PCDH20: variants seen among roughly 807,000 people sequenced by gnomAD.
PCDH20 encodes the protein protocadherin 20, also known as protocadherin-20.
Under a neutral mutation model 39.7 loss-of-function variants are expected in PCDH20, and 18 were observed. The ratio of observed to expected loss-of-function variants is 0.45; its 90% confidence interval spans 0.31 to 0.67. The LOEUF (loss-of-function observed/expected upper bound fraction) is 0.67, where lower values mean the gene tolerates loss of function less well. Among genes scored for constraint, PCDH20 ranks in the 30% least tolerant of loss-of-function variants. The probability of loss-of-function intolerance (pLI) is 0.05; values close to 1 mark genes in which losing one functional copy is unlikely to be tolerated. For missense variants in PCDH20, 1,161 were observed against 1,167.4 expected, an observed-to-expected ratio of 0.99 and a Z score of 0.08; for synonymous variants, 495 against 455.4, an observed-to-expected ratio of 1.09 and a Z score of -1.11.
exon 2 of PCDH20, chr13:61,412,876 G>C (rs1355631012): frequency 1.9e-6 from 3 of 1,613,942 alleles, no homozygotes; most frequent in African/African-American, 2.7e-5. Context: ...AGTGATTACA[G>C]CAGGGATGCA....
chr13:61,411,278 G>T, exon 2 of PCDH20: 1 of 1,613,332 alleles, frequency 6.2e-7, no homozygotes, highest in Non-Finnish European at 8.5e-7. Flanking sequence ...TTTCTCTCTC[G>T]CATATGCAAG....
exon 2 of PCDH20, chr13:61,409,939 G>T (rs989460441): frequency 6.6e-6 from 1 of 152,000 alleles, no homozygotes; most frequent in Non-Finnish European, 1.5e-5. Context: ...AAAGTAAAAT[G>T]ATCCAGTTTA....
intron 1 of PCDH20, among the ~76,000 whole-genome samples, chr13:61,414,497 A>AATG (rs1871492783): frequency 6.6e-6 from 1 of 152,084 alleles, no homozygotes; most frequent in African/African-American, 2.4e-5. Flanking sequence ...TAATAATAAT[A>AATG]ATATAGAAAA....
At chr13:61,412,223 C>T in exon 2 of PCDH20, 1 of 1,614,124 alleles carries the variant, frequency 6.2e-7, no homozygotes, top group Non-Finnish European at 8.5e-7. Flanking sequence ...ACTGTGAGGG[C>T]CACAGTGGCT....
chr13:61,413,863 C>T, exon 2 of PCDH20: 1 of 1,613,430 alleles, frequency 6.2e-7, no homozygotes. Context: ...GATGAGCACC[C>T]CCGCGGGTAG....
exon 2 of PCDH20, chr13:61,411,072 T>C: frequency 1.7e-6 from 1 of 597,804 alleles, no homozygotes. Flanking sequence ...GCTGTACACA[T>C]TTTATAACCT....
intron 1 of PCDH20, 81 bp from the exon 2 acceptor site, chr13:61,414,047 C>T: frequency 8.0e-7 from 1 of 1,253,072 alleles, no homozygotes; most frequent in Middle Eastern, 2.2e-4. Context: ...CCCCTGTGAT[C>T]CTTGCTGTCC....
Position 61,414,905 on chromosome 13 carries a change from G to A in PCDH20, c.132+122C>T, listed in dbSNP as rs894701881. 2.5e-6 allele frequency: 3 copies of A among 1,188,600 alleles called. No homozygotes were observed. In the African/African-American group the frequency reaches 4.8e-5, roughly 19 times the overall value. 73.6% of individuals were successfully genotyped at this position (1,188,600 alleles called of 1,614,324 possible). A position where few individuals can be genotyped will look rare whatever the true frequency, so the allele number is the denominator to read the frequency against. On this transcript the variant is annotated intron_variant, in intron 1 of 1. Transcript: ENST00000409204. ...TTATCCCAAACTCCCTTTCCCTCCC[G>A]GCGCCATCCTTCCCGTGAAGTTTAG...
exon 2 of PCDH20, chr13:61,413,012 C>A: frequency 6.2e-7 from 1 of 1,614,168 alleles, no homozygotes; most frequent in Non-Finnish European, 8.5e-7. Flanking sequence ...GCTTGTGGAA[C>A]TTTCTGACTG....
chr13:61,415,148 C>A (rs1211293300), exon 1 of PCDH20: 4 of 1,455,998 alleles, frequency 2.7e-6, no homozygotes, highest in Admixed American at 4.9e-5. Flanking sequence ...CGCATTCCCT[C>A]GGCCGCGCAT....
At chr13:61,414,197 T>A (rs1000153815) in intron 1 of PCDH20, among the ~76,000 whole-genome samples, 3 of 151,912 alleles carry the variant, frequency 2.0e-5, no homozygotes, top group African/African-American at 7.3e-5. Context: ...CGCCCCCGCC[T>A]TCCCCCCTCG....
chr13:61,413,581 G>A (rs1266468879), exon 2 of PCDH20: 1 of 1,614,188 alleles, frequency 6.2e-7, no homozygotes, highest in Admixed American at 1.7e-5. Flanking sequence ...ACAAGAGTCA[G>A]AAGGAGAGGA....
At chr13:61,413,135 C>G (rs1871440292) in exon 2 of PCDH20, 1 of 1,614,170 alleles carries the variant, frequency 6.2e-7, no homozygotes, top group Non-Finnish European at 8.5e-7. Flanking sequence ...ATTTGTGAGT[C>G]TGTGAAGAGA....
chr13:61,413,499 T>C (rs1871463098), exon 2 of PCDH20: 3 of 1,613,678 alleles, frequency 1.9e-6, no homozygotes, highest in Non-Finnish European at 2.5e-6. Flanking sequence ...CATTGATGTC[T>C]CTGATGGCGA....
exon 2 of PCDH20, chr13:61,412,658 T>C (rs1318356109): frequency 2.5e-6 from 4 of 1,614,006 alleles, no homozygotes; most frequent in Non-Finnish European, 3.4e-6. Flanking sequence ...TTGTATGGTT[T>C]GTAAGGTGAT....
Position 61,412,792 on chromosome 13 carries a change from T to C in PCDH20, c.1307A>G (p.Asp436Gly), listed in dbSNP as rs903630721. The C allele has an allele frequency of 2.3e-5, 37 of 1,613,964 alleles. No individual in the cohort carries two copies. The highest frequency in any genetic ancestry group is 1.6e-4 in the Middle Eastern group (1 of 6,084). ...CAGTTCTTTCAGATAAACCACACCA[T>C]CTATCTCGTTTGCTATGTAACGAGG... is the stretch of plus-strand genomic sequence containing the variant. The change falls in exon 2 of 2, where the codon GAT becomes GGT. Residue 436 changes from aspartate to glycine, a missense_variant. Transcript: ENST00000409204.
At chr13:61,409,736 C>G (rs1189919911) in exon 2 of PCDH20, 1 of 151,902 alleles carries the variant, frequency 6.6e-6, no homozygotes, top group East Asian at 1.9e-4. Context: ...TTAATATAAA[C>G]TTTAGTATAG....
exon 2 of PCDH20, chr13:61,412,368 A>G (rs774126431): frequency 1.9e-6 from 3 of 1,614,212 alleles, no homozygotes; most frequent in Non-Finnish European, 2.5e-6. Context: ...ATGATGGAGC[A>G]TCAGGTCCCA....
At chr13:61,415,844 G>A (rs1245208761), upstream of PCDH20, 2 of 152,242 alleles carry the variant, frequency 1.3e-5, no homozygotes, top group East Asian at 3.9e-4. Flanking sequence ...ATGTCTCTGG[G>A]TGTTTGCCTT....
Sources: gnomAD v4.1 joint callset for allele counts (sites outside exome capture counted in the v4.1 genomes callset) on GRCh38, gnomAD v4.1.1 for gene constraint, MANE v1.5 for transcripts, NCBI Gene and HGNC (gene_info 2026-07-23, HGNC 2026-07-21) for gene names.